Variants in CDC14A observed in about 807,000 individuals in gnomAD.
CDC14A encodes the protein cell division cycle 14A, also known as dual specificity protein phosphatase CDC14A.
Under a neutral mutation model 74.4 loss-of-function variants are expected in CDC14A, and 53 were observed. That is an observed-to-expected ratio of 0.71 (90% CI 0.57 to 0.89). CDC14A has a LOEUF of 0.89. CDC14A is among the 40% of genes least tolerant of loss of function. The probability of loss-of-function intolerance (pLI) is 0.00; values close to 1 mark genes in which losing one functional copy is unlikely to be tolerated. For missense variants in CDC14A, 646 were observed against 713.7 expected (o/e 0.91, Z 1.08); for synonymous variants, 247 against 258.4 (o/e 0.96, Z 0.43).
chr1:100,403,953 G>C (rs1244949454), intron 4 of CDC14A, among the ~76,000 whole-genome samples: 3 of 151,946 alleles, frequency 2.0e-5, no homozygotes, highest in South Asian at 2.1e-4. Context: ...GGTTTATAAG[G>C]GTTTTCTTGA....
intron 3 of CDC14A, chr1:100,383,768 C>A (rs1398066592): frequency 6.6e-6 from 1 of 152,192 alleles, no homozygotes; most frequent in Non-Finnish European, 1.5e-5. Context: ...AGCATATTAT[C>A]CAGGCTGCAT....
intron 3 of CDC14A, among the ~76,000 whole-genome samples, chr1:100,384,473 C>G (rs1656572988): frequency 6.6e-6 from 1 of 152,046 alleles, no homozygotes; most frequent in Non-Finnish European, 1.5e-5. Context: ...AGTTATTCTC[C>G]TCTGTTTTTA....
chr1:100,359,696 C>T (rs915565034), intron 2 of CDC14A, among the ~76,000 whole-genome samples: 6 of 151,588 alleles, frequency 4.0e-5, no homozygotes, highest in Non-Finnish European at 8.8e-5. Flanking sequence ...CACGTGAAAA[C>T]GAAAGAAGCC....
rs369245990 is a variant in CDC14A, at chr1:100,468,052, G to A, written c.935G>A (p.Arg312Gln). 3.1e-6 allele frequency: 5 copies of A among 1,613,136 alleles called. No individual in the cohort carries two copies. Among genetic ancestry groups the A allele is most frequent in the Admixed American group, 1.7e-5 (1 of 59,858 alleles). Residue 312 changes from arginine to glutamine, a missense_variant, in exon 10 of 16, where the codon CGG becomes CAG. Physicochemically the swap from Arg to Gln is conservative, Grantham distance 43 (BLOSUM62 1). Transcript: ENST00000336454. ...ATAATTGCTTGGATTAGAATATGCC[G>A]GCCAGGCTCTATTATAGGACCCCAG... is the stretch of plus-strand genomic sequence containing the variant. ...AEIIAWIRIC[R>Q]PGSIIGPQQH... is the part of the protein sequence containing the mutation.
chr1:100,488,853 C>G (rs1181410987), intron 11 of CDC14A, among the ~76,000 whole-genome samples: 1 of 152,070 alleles, frequency 6.6e-6, no homozygotes, highest in African/African-American at 2.4e-5. Context: ...CCTTTCTTTC[C>G]CCCATTATGA....
chr1:100,432,205 A>G (rs1663774944), intron 5 of CDC14A, among the ~76,000 whole-genome samples: 1 of 152,180 alleles, frequency 6.6e-6, no homozygotes, highest in African/African-American at 2.4e-5. Flanking sequence ...TGTCCTCCCT[A>G]CTAATTCTCA....
chr1:100,466,697 CCT>C (rs1024717497), intron 9 of CDC14A, among the ~76,000 whole-genome samples: 5 of 151,886 alleles, frequency 3.3e-5, no homozygotes, highest in Admixed American at 3.3e-4. Flanking sequence ...ATGGAGAAAC[CCT>C]GTCTCTACTA....
intron 4 of CDC14A, among the ~76,000 whole-genome samples, chr1:100,418,836 C>T (rs553983018): frequency 7.6e-4 from 116 of 152,262 alleles, no homozygotes; most frequent in Admixed American, 1.3e-3. Flanking sequence ...TCCGTCTTTG[C>T]TCCCCAAATG....
intron 4 of CDC14A, among the ~76,000 whole-genome samples, chr1:100,400,101 T>C (rs1389481708): frequency 6.6e-6 from 1 of 152,236 alleles, no homozygotes; most frequent in African/African-American, 2.4e-5. Flanking sequence ...AGCCGTCTGC[T>C]GAGTATACAG....
At chr1:100,415,921 C>A (rs944084023) in intron 4 of CDC14A, among the ~76,000 whole-genome samples, 1 of 152,054 alleles carries the variant, frequency 6.6e-6, no homozygotes. Flanking sequence ...TTCTGAGTCA[C>A]TGGATATAAT....
At chr1:100,402,901 C>T (rs1659455133) in intron 4 of CDC14A, among the ~76,000 whole-genome samples, 1 of 152,206 alleles carries the variant, frequency 6.6e-6, no homozygotes, top group East Asian at 1.9e-4. Context: ...GTTTCAAATA[C>T]ACTAGTCATA....
intron 2 of CDC14A, among the ~76,000 whole-genome samples, chr1:100,359,644 A>T (rs990488091): frequency 2.0e-5 from 3 of 152,108 alleles, no homozygotes; most frequent in African/African-American, 7.2e-5. Context: ...TCAGTGCACT[A>T]CCAAAAAGAA....
intron 5 of CDC14A, among the ~76,000 whole-genome samples, chr1:100,434,669 C>G (rs1448108061): frequency 6.6e-6 from 1 of 152,054 alleles, no homozygotes; most frequent in Non-Finnish European, 1.5e-5. Flanking sequence ...TGGCCTGTAG[C>G]TTGAGTGACT....
chr1:100,346,687 T>C (rs966867205), intron 1 of CDC14A, among the ~76,000 whole-genome samples: 1 of 151,852 alleles, frequency 6.6e-6, no homozygotes, highest in African/African-American at 2.4e-5. Flanking sequence ...ATAAATTCTG[T>C]AAAATTTAAA....
rs553698639 is a variant in CDC14A, at chr1:100,459,481, C to T, written c.608-3170C>T. 2.3e-4 allele frequency among the ~76,000 whole-genome samples: 35 copies of T among 152,326 alleles called. No individual in the cohort carries two copies. The South Asian group carries it at 5.0e-3, about 22-fold the overall frequency. ...TTTTATCATTAGCTGGCCTAATCAA[C>T]AGATTTTATGTCTTTCTACATTTGC... On this transcript the variant is annotated intron_variant, in intron 8 of 15. Transcript: ENST00000336454.
At chr1:100,479,425 C>T (rs1669234584) in intron 10 of CDC14A, among the ~76,000 whole-genome samples, 1 of 152,050 alleles carries the variant, frequency 6.6e-6, no homozygotes, top group African/African-American at 2.4e-5. Flanking sequence ...CTCTCTTGTC[C>T]CCGACCCCAC....
rs548656702 is a variant in CDC14A at position 100,511,788 on chromosome 1, A to T, written c.1756-6463A>T. ...AATTGGGGTCTTCATGAACTATCGC[A>T]TAGCCCTTTCTGTCTTCCTGTCTCT... On this transcript the variant is annotated intron_variant, in intron 15 of 15. Coordinates refer to ENST00000336454, the MANE Select transcript of CDC14A (RefSeq NM_003672.4). 9.2e-5 allele frequency among the ~76,000 whole-genome samples: 14 copies of T among 152,266 alleles called. No individual in the cohort carries two copies. The South Asian group carries it at 2.9e-3, about 32-fold the overall frequency.
intron 2 of CDC14A, among the ~76,000 whole-genome samples, chr1:100,374,937 G>A (rs769467342): frequency 3.9e-5 from 6 of 152,190 alleles, no homozygotes. Flanking sequence ...CTAATCATAA[G>A]TATATGATAC....
chr1:100,489,418 C>CT (rs1242218803), intron 11 of CDC14A, among the ~76,000 whole-genome samples: 1 of 152,164 alleles, frequency 6.6e-6, no homozygotes, highest in Non-Finnish European at 1.5e-5. Context: ...TTTCCACAGC[C>CT]TTTCCTATAG....
Sources: gnomAD v4.1 joint callset for allele counts (sites outside exome capture counted in the v4.1 genomes callset) on GRCh38, gnomAD v4.1.1 for gene constraint, MANE v1.5 for transcripts, NCBI Gene and HGNC (gene_info 2026-07-23, HGNC 2026-07-21) for gene names.